The following LIN7A variants were observed in gnomAD, a reference collection of about 807,000 sequenced individuals.
The protein encoded by LIN7A is lin-7 cell polarity scaffold A, also known as protein lin-7 homolog A.
In LIN7A, 25 loss-of-function variants were observed where a neutral mutation model predicts 29.8. The observed-to-expected ratio is 0.84, with a 90% CI of 0.61 to 1.17. The LOEUF (loss-of-function observed/expected upper bound fraction) is 1.17, where lower values mean the gene tolerates loss of function less well. Ranked by LOEUF, LIN7A falls within the 50% of genes most tolerant of loss-of-function variation. The pLI is 0.00. For missense variants in LIN7A, 239 were observed against 287.0 expected, an observed-to-expected ratio of 0.83 and a Z score of 1.21; for synonymous variants, 118 against 107.5, an observed-to-expected ratio of 1.10 and a Z score of -0.60.
At chr12:80,885,976 TA>T (rs1028303549) in intron 2 of LIN7A, among the ~76,000 whole-genome samples, 1 of 152,128 alleles carries the variant, frequency 6.6e-6, no homozygotes, top group African/African-American at 2.4e-5. Flanking sequence ...TTTTTGAGCA[TA>T]ATTTATGTTT....
intron 1 of LIN7A, among the ~76,000 whole-genome samples, chr12:80,890,945 T>C (rs566897529): frequency 1.4e-4 from 22 of 152,114 alleles, no homozygotes; most frequent in African/African-American, 4.6e-4. Flanking sequence ...CATGGATGCA[T>C]GGAACTCTCA....
intron 1 of LIN7A, among the ~76,000 whole-genome samples, chr12:80,902,357 G>T (rs1426614028): frequency 5.3e-5 from 8 of 151,750 alleles, no homozygotes; most frequent in African/African-American, 9.7e-5. Context: ...CTCTTTTTTG[G>T]TTCCATTTGA....
chr12:80,858,255 A>G (rs1475941578), intron 2 of LIN7A, among the ~76,000 whole-genome samples: 1 of 152,234 alleles, frequency 6.6e-6, no homozygotes, highest in Non-Finnish European at 1.5e-5. Flanking sequence ...AAGCAGAATA[A>G]TTAGTTGGGA....
At chr12:80,918,527 T>C (rs1877135105) in intron 1 of LIN7A, among the ~76,000 whole-genome samples, 1 of 152,210 alleles carries the variant, frequency 6.6e-6, no homozygotes, top group African/African-American at 2.4e-5. Context: ...TTCATCTCCC[T>C]TCATCTACTC....
intron 1 of LIN7A, among the ~76,000 whole-genome samples, chr12:80,892,827 C>T (rs1217082575): frequency 6.6e-6 from 1 of 152,132 alleles, no homozygotes; most frequent in Non-Finnish European, 1.5e-5. Context: ...AAGGTTGAGA[C>T]CACTGCTCTA....
chr12:80,917,683 AT>A (rs1877096124), intron 1 of LIN7A, among the ~76,000 whole-genome samples: 1 of 151,964 alleles, frequency 6.6e-6, no homozygotes, highest in Admixed American at 6.6e-5. Flanking sequence ...TATAGTTTCT[AT>A]TCTTTCACAA....
Position 80,797,291 on chromosome 12 carries a change from A to C in LIN7A, c.*436T>G, listed in dbSNP as rs1870494287. The C allele has an allele frequency of 6.6e-6, 1 of 152,446 alleles. No homozygotes were observed. The highest frequency in any genetic ancestry group is 1.5e-5 in the Non-Finnish European group (1 of 68,040). 9.4% of individuals were successfully genotyped at this position (152,446 alleles called of 1,614,324 possible). A position where few individuals can be genotyped will look rare whatever the true frequency, so the allele number is the denominator to read the frequency against. ...GATTGTGGAGCAGGTGAGGGTAAGGAGCAATGTGTAGGTTTCACTTTGAAC... is the reference window on the plus strand; with the variant it reads ...GATTGTGGAGCAGGTGAGGGTAAGGCGCAATGTGTAGGTTTCACTTTGAAC... On this transcript the variant is annotated 3_prime_UTR_variant, in exon 6 of 6. Coordinates refer to ENST00000552864, the MANE Select transcript of LIN7A (RefSeq NM_004664.4).
chr12:80,811,758 A>G (rs1304852171), intron 4 of LIN7A, 75 bp from the exon 5 acceptor site: 56 of 1,533,868 alleles, frequency 3.7e-5, no homozygotes, highest in Non-Finnish European at 4.8e-5. Flanking sequence ...TGAAATTAAT[A>G]TCACATTAAG....
At chr12:80,899,888 C>T (rs1366890945) in intron 1 of LIN7A, among the ~76,000 whole-genome samples, 1 of 150,156 alleles carries the variant, frequency 6.7e-6, no homozygotes, top group Non-Finnish European at 1.5e-5. Flanking sequence ...CTGCCTCAGC[C>T]TCCCGAGTAG....
chr12:80,800,368 A>G (rs967017636), intron 5 of LIN7A, among the ~76,000 whole-genome samples: 1 of 151,956 alleles, frequency 6.6e-6, no homozygotes, highest in Non-Finnish European at 1.5e-5. Context: ...GCATGCCTCT[A>G]ATCCCAACTA....
chr12:80,914,369 G>A (rs1876923781), intron 1 of LIN7A, among the ~76,000 whole-genome samples: 2 of 152,114 alleles, frequency 1.3e-5, no homozygotes, highest in African/African-American at 4.8e-5. Flanking sequence ...ATTTTACCAT[G>A]AAACTTTTGT....
chr12:80,922,424 C>T (rs1056786140), intron 1 of LIN7A, among the ~76,000 whole-genome samples: 13 of 152,140 alleles, frequency 8.5e-5, no homozygotes, highest in African/African-American at 2.7e-4. Context: ...AGACTTGGGG[C>T]ACTATTACCA....
intron 1 of LIN7A, among the ~76,000 whole-genome samples, chr12:80,902,887 C>G (rs1365909232): frequency 6.6e-6 from 1 of 151,700 alleles, no homozygotes; most frequent in Non-Finnish European, 1.5e-5. Flanking sequence ...GCTGGGACAT[C>G]CAGTACTATG....
chr12:80,916,318 C>A (rs1235419355), intron 1 of LIN7A, among the ~76,000 whole-genome samples: 3 of 152,226 alleles, frequency 2.0e-5, no homozygotes, highest in East Asian at 3.9e-4. Context: ...AAAATAGTAA[C>A]CCTGAGCCTC....
rs573003421 is a variant in LIN7A, at chr12:80,869,494, G to A, written c.201+19757C>T. ...ACTCCATCTGAGCACCACAGGAGAGGCTTGGCAAAGATCTGCAGAAGTGTG... is the reference window on the plus strand; with the variant it reads ...ACTCCATCTGAGCACCACAGGAGAGACTTGGCAAAGATCTGCAGAAGTGTG... On this transcript the variant is annotated intron_variant, in intron 2 of 5. Coordinates refer to ENST00000552864, the MANE Select transcript of LIN7A (RefSeq NM_004664.4). 1.7e-3 allele frequency among the ~76,000 whole-genome samples: 263 copies of A among 152,164 alleles called. 1 individual carries two copies. Among genetic ancestry groups the A allele is most frequent in the African/African-American group, 5.3e-3 (221 of 41,526 alleles).
At chr12:80,860,470 A>G (rs1873808796) in intron 2 of LIN7A, among the ~76,000 whole-genome samples, 1 of 152,224 alleles carries the variant, frequency 6.6e-6, no homozygotes, top group African/African-American at 2.4e-5. Context: ...GCTTCAAGCA[A>G]CAGAGTTACC....
At chr12:80,883,656 C>T (rs540598483) in intron 2 of LIN7A, among the ~76,000 whole-genome samples, 1 of 152,310 alleles carries the variant, frequency 6.6e-6, no homozygotes, top group South Asian at 2.1e-4. Flanking sequence ...CTACCACACA[C>T]TGTACTAGGT....
intron 2 of LIN7A, among the ~76,000 whole-genome samples, chr12:80,873,894 A>T (rs1795502): frequency 1.3e-5 from 2 of 151,024 alleles, no homozygotes; most frequent in South Asian, 2.1e-4. Context: ...ACACTGGGAA[A>T]GATGCCTCTT....
intron 5 of LIN7A, among the ~76,000 whole-genome samples, chr12:80,807,083 T>TTTTTGTTG (rs1555221410): frequency 7.3e-6 from 1 of 137,204 alleles, no homozygotes; most frequent in African/African-American, 2.7e-5. Context: ...TTTTTTTTTT[T>TTTTTGTTG]TTTTTTTTGA....
Sources: gnomAD v4.1 joint callset for allele counts (sites outside exome capture counted in the v4.1 genomes callset) on GRCh38, gnomAD v4.1.1 for gene constraint, MANE v1.5 for transcripts, NCBI Gene and HGNC (gene_info 2026-07-23, HGNC 2026-07-21) for gene names.